The following TAFA2 variants were observed in gnomAD, a reference collection of about 807,000 sequenced individuals.
The protein encoded by TAFA2 is TAFA chemokine like family member 2.
In TAFA2, 7 loss-of-function variants were observed where a neutral mutation model predicts 18.8. That is an observed-to-expected ratio of 0.37 (90% CI 0.21 to 0.70). TAFA2 has a LOEUF of 0.70. Ranked by LOEUF, TAFA2 falls within the 30% of genes least tolerant of loss-of-function variation. TAFA2 has a pLI of 0.53. For synonymous variants in TAFA2, 60 were observed against 54.2 expected, an observed-to-expected ratio of 1.11 and a Z score of -0.47; for missense variants, 122 against 158.1, an observed-to-expected ratio of 0.77 and a Z score of 1.23.
intron 1 of TAFA2, among the ~76,000 whole-genome samples, chr12:62,010,305 G>A (rs569383771): frequency 4.6e-5 from 7 of 152,102 alleles, no homozygotes; most frequent in South Asian, 2.1e-4. Context: ...GTTTGCCAGC[G>A]CGCCGCCATG....
rs529731347 is a variant in TAFA2, at chr12:62,081,843, T to C, written c.-2+109416A>G. ...GTGCAGGATGTGCAGGTTTGTTAGG[T>C]AGGTAAACGTGTGCCATGGTGGTTT... On this transcript the variant is annotated intron_variant, in intron 1 of 4. Transcript: ENST00000416284. Among the ~76,000 whole-genome samples, 3 of 152,176 alleles carry C rather than the reference T, an allele frequency of 2.0e-5. No homozygotes were observed. The South Asian group carries it at 6.2e-4, about 32-fold the overall frequency.
chr12:62,144,421 T>C (rs2062264771), intron 1 of TAFA2, among the ~76,000 whole-genome samples: 1 of 151,882 alleles, frequency 6.6e-6, no homozygotes, highest in Non-Finnish European at 1.5e-5. Context: ...TAAGGTCACC[T>C]AAGCCCCATG....
At chr12:62,001,998 T>C (rs563359422) in intron 1 of TAFA2, among the ~76,000 whole-genome samples, 7 of 152,282 alleles carry the variant, frequency 4.6e-5, no homozygotes, top group African/African-American at 1.7e-4. Flanking sequence ...GCCAGATGGT[T>C]TGATCACCAA....
intron 1 of TAFA2, among the ~76,000 whole-genome samples, chr12:62,072,148 A>C (rs916762017): frequency 1.3e-5 from 2 of 152,110 alleles, no homozygotes; most frequent in African/African-American, 4.8e-5. Flanking sequence ...TTGAGCAAAA[A>C]TCTTGCACCT....
chr12:61,913,982 A>G (rs754751739), intron 1 of TAFA2, among the ~76,000 whole-genome samples: 2 of 152,228 alleles, frequency 1.3e-5, no homozygotes, highest in Non-Finnish European at 2.9e-5. Flanking sequence ...TTTGTGATAA[A>G]GTAACAGAAA....
chr12:62,155,844 GAAGAT>G (rs2062365902), intron 1 of TAFA2, among the ~76,000 whole-genome samples: 1 of 152,184 alleles, frequency 6.6e-6, no homozygotes, highest in African/African-American at 2.4e-5. Context: ...GAAAATCTTA[GAAGAT>G]AACATTGGAA....
intron 2 of TAFA2, among the ~76,000 whole-genome samples, chr12:61,855,352 C>A (rs1873839834): frequency 6.6e-6 from 1 of 152,148 alleles, no homozygotes; most frequent in Non-Finnish European, 1.5e-5. Flanking sequence ...TGTGGGACAT[C>A]TACAACCTGT....
intron 1 of TAFA2, among the ~76,000 whole-genome samples, chr12:62,103,233 C>G (rs1869287732): frequency 6.6e-6 from 1 of 152,238 alleles, no homozygotes; most frequent in Non-Finnish European, 1.5e-5. Context: ...TTCCCCAGAA[C>G]TTCTGGCATT....
intron 1 of TAFA2, among the ~76,000 whole-genome samples, chr12:61,953,625 C>T (rs1238455629): frequency 6.6e-6 from 1 of 152,096 alleles, no homozygotes; most frequent in Non-Finnish European, 1.5e-5. Flanking sequence ...CCAGTGGCCT[C>T]GGTAAAGAAG....
chr12:61,928,776 C>A (rs7313942), intron 1 of TAFA2, among the ~76,000 whole-genome samples: 10,770 of 152,066 alleles, frequency 0.071, 1,239 homozygotes, highest in African/African-American at 0.24. Context: ...AAATGGCCAT[C>A]AATGATAGAC....
At chr12:61,860,548 A>G (rs12581090) in intron 2 of TAFA2, among the ~76,000 whole-genome samples, 43,943 of 152,148 alleles carry the variant, frequency 0.29, 6,930 homozygotes, top group South Asian at 0.4. Flanking sequence ...TTTCCCCAAA[A>G]GATCTGTCCC....
chr12:62,159,794 CA>C (rs1437354754), intron 1 of TAFA2, among the ~76,000 whole-genome samples: 1 of 152,178 alleles, frequency 6.6e-6, no homozygotes, highest in East Asian at 1.9e-4. Flanking sequence ...CAAAATCTCA[CA>C]AATCACCACT....
At chr12:61,897,123 T>C (rs993472472) in intron 1 of TAFA2, among the ~76,000 whole-genome samples, 1 of 152,078 alleles carries the variant, frequency 6.6e-6, no homozygotes, top group Admixed American at 6.6e-5. Flanking sequence ...TTAATAACAA[T>C]AACATTACCA....
At chr12:61,716,424 A>G (rs1869662959) in intron 4 of TAFA2, among the ~76,000 whole-genome samples, 1 of 152,124 alleles carries the variant, frequency 6.6e-6, no homozygotes, top group South Asian at 2.1e-4. Flanking sequence ...CCTATTCTTT[A>G]TTGATGGTTC....
chr12:62,161,293 G>A (rs1180045714), intron 1 of TAFA2, among the ~76,000 whole-genome samples: 1 of 152,136 alleles, frequency 6.6e-6, no homozygotes, highest in Non-Finnish European at 1.5e-5. Context: ...CAAAGATATG[G>A]AATCAACCTA....
chr12:62,212,779 G>A (rs2062719517), intron 1 of TAFA2, among the ~76,000 whole-genome samples: 1 of 152,114 alleles, frequency 6.6e-6, no homozygotes, highest in South Asian at 2.1e-4. Flanking sequence ...CATTTCTCAA[G>A]AGAAATAAAT....
At chr12:62,143,938 C>T (rs2062258989) in intron 1 of TAFA2, among the ~76,000 whole-genome samples, 2 of 150,464 alleles carry the variant, frequency 1.3e-5, no homozygotes, top group South Asian at 4.2e-4. Context: ...GTCCAAGCTA[C>T]TCGGGAGGCT....
intron 1 of TAFA2, among the ~76,000 whole-genome samples, chr12:61,903,438 T>A (rs1185472068): frequency 2.6e-5 from 4 of 152,210 alleles, no homozygotes; most frequent in Admixed American, 2.6e-4. Flanking sequence ...CAATGAACAC[T>A]GCTATCAATA....
intron 1 of TAFA2, among the ~76,000 whole-genome samples, chr12:62,236,570 G>A (rs2062838817): frequency 6.6e-6 from 1 of 152,114 alleles, no homozygotes; most frequent in Non-Finnish European, 1.5e-5. Context: ...CAGCCCAAAT[G>A]TTTTCTTTTT....
Sources: allele counts gnomAD v4.1 joint callset (sites outside exome capture counted in the v4.1 genomes callset), GRCh38; gene constraint gnomAD v4.1.1; transcripts MANE v1.5; gene names NCBI Gene and HGNC (gene_info 2026-07-23, HGNC 2026-07-21).